Variants in GGH observed in about 807,000 individuals in gnomAD.
The protein encoded by GGH is gamma-glutamyl hydrolase, also known as gamma-Glu-X carboxypeptidase.
A neutral mutation model predicts 39.2 loss-of-function variants in GGH; 18 were observed. The observed-to-expected ratio is 0.46, with a 90% CI of 0.32 to 0.68. GGH has a LOEUF of 0.68. Ranked by LOEUF, GGH falls within the 30% of genes least tolerant of loss-of-function variation. The pLI is 0.04. For missense variants in GGH, 367 were observed against 384.1 expected, an observed-to-expected ratio of 0.96 and a Z score of 0.37; for synonymous variants, 147 against 138.8, an observed-to-expected ratio of 1.06 and a Z score of -0.42.
chr8:63,028,228 A>G (rs1391359399), intron 3 of GGH: 1 of 152,108 alleles, frequency 6.6e-6, no homozygotes, highest in Admixed American at 6.6e-5. Flanking sequence ...GTGGGAGAAT[A>G]TCTACCACAA....
intron 3 of GGH, among the ~76,000 whole-genome samples, chr8:63,028,772 A>C (rs1006241761): frequency 2.6e-5 from 4 of 152,206 alleles, no homozygotes. Flanking sequence ...CATACTGAGC[A>C]TCTGGACAGG....
At chr8:63,035,574 G>C (rs1244016194) in intron 2 of GGH, 82 bp downstream of exon 2, 1 of 1,519,986 alleles carries the variant, frequency 6.6e-7, no homozygotes, top group Non-Finnish European at 8.8e-7. Context: ...CAAAGTGCTA[G>C]AATTACAGGC....
chr8:63,028,236 C>T (rs190531726), intron 3 of GGH: 51 of 152,120 alleles, frequency 3.4e-4, no homozygotes, highest in African/African-American at 1.2e-3. Flanking sequence ...ATATCTACCA[C>T]AAATCCAAGC....
At chr8:63,025,169 C>T (rs1365721807) in intron 5 of GGH, 1 of 152,056 alleles carries the variant, frequency 6.6e-6, no homozygotes, top group Non-Finnish European at 1.5e-5. Context: ...CTTCTAAAAC[C>T]CTTGGAATTC....
chr8:63,036,356 AT>A (rs1332655207), intron 1 of GGH, among the ~76,000 whole-genome samples: 2 of 152,196 alleles, frequency 1.3e-5, no homozygotes, highest in African/African-American at 2.4e-5. Flanking sequence ...CATTCAATAT[AT>A]ACTGTTGAAT....
At chr8:63,029,695 T>G (rs1804766947) in intron 3 of GGH, among the ~76,000 whole-genome samples, 1 of 152,148 alleles carries the variant, frequency 6.6e-6, no homozygotes, top group Non-Finnish European at 1.5e-5. Context: ...GCAAATTTTC[T>G]GATCTCTGCC....
chr8:63,037,669 C>G (rs566816275), intron 1 of GGH, among the ~76,000 whole-genome samples: 1 of 152,236 alleles, frequency 6.6e-6, no homozygotes, highest in South Asian at 2.1e-4. Flanking sequence ...CGCAGGGCTA[C>G]CCCTGATTCT....
At chr8:63,018,368 T>TA (rs148625779) in intron 7 of GGH, among the ~76,000 whole-genome samples, 12,068 of 151,970 alleles carry the variant, frequency 0.079, 481 homozygotes, top group South Asian at 0.17. Flanking sequence ...CATTTTGATT[T>TA]AAAAAAAACA....
chr8:63,022,771 G>A (rs1038273507), intron 7 of GGH, among the ~76,000 whole-genome samples: 28 of 151,396 alleles, frequency 1.8e-4, no homozygotes, highest in East Asian at 5.9e-4. Flanking sequence ...CAGGTGATCC[G>A]CCCCGGCCTC....
chr8:63,038,795 CA>C lies in GGH; in HGVS notation c.-28del. On this transcript the variant is annotated 5_prime_UTR_variant, in exon 1 of 9. Transcript: ENST00000260118. The stretch of plus-strand genomic sequence containing the variant: ...GCGCTCGCCGCCTCCCGCCGCCTTT[CA>C]AAAGCTCTGCGGGCGGGCGGGGGCT... 1 of 1,410,016 alleles carries C rather than the reference CA, an allele frequency of 7.1e-7. No homozygotes were observed. Among genetic ancestry groups the C allele is most frequent in the Non-Finnish European group, 9.5e-7 (1 of 1,050,302 alleles). 87.3% of individuals were successfully genotyped at this position (1,410,016 alleles called of 1,614,324 possible).
rs13439103 is a variant in GGH at position 63,036,008 on chromosome 8, T to C, written c.110-238A>G. On this transcript the variant is annotated intron_variant, in intron 1 of 8. Coordinates refer to ENST00000260118, the MANE Select transcript of GGH (RefSeq NM_003878.3). Reference sequence around the variant, plus strand: ...GGCCAAATAAGCCCCCAAAGAAGGCTTACAATAGCACTTGCAGCCTTCACA... The same window carrying C: ...GGCCAAATAAGCCCCCAAAGAAGGCCTACAATAGCACTTGCAGCCTTCACA... Among the ~76,000 whole-genome samples, 794 of 152,232 alleles carry C rather than the reference T, an allele frequency of 5.2e-3. 13 individuals carry two copies. The highest frequency in any genetic ancestry group is 0.018 in the African/African-American group (768 of 41,540).
intron 2 of GGH, 59 bp downstream of exon 2, chr8:63,035,597 A>G (rs1804891956): frequency 6.4e-7 from 1 of 1,564,950 alleles, no homozygotes; most frequent in Non-Finnish European, 8.6e-7. Context: ...GAGGCACCGC[A>G]CCCGTACGCA....
chr8:63,038,365 A>C (rs746924594), intron 1 of GGH, among the ~76,000 whole-genome samples: 1 of 152,252 alleles, frequency 6.6e-6, no homozygotes, highest in African/African-American at 2.4e-5. Context: ...ATTTTAGTAG[A>C]AATTCCTAGC....
intron 2 of GGH, 52 bp downstream of exon 2, chr8:63,035,604 C>A: frequency 6.4e-7 from 1 of 1,569,188 alleles, no homozygotes; most frequent in Non-Finnish European, 8.6e-7. Context: ...CGCACCCGTA[C>A]GCAGCAATTT....
intron 1 of GGH, among the ~76,000 whole-genome samples, chr8:63,037,841 A>C (rs1436921359): frequency 6.6e-6 from 1 of 152,204 alleles, no homozygotes; most frequent in Non-Finnish European, 1.5e-5. Context: ...ACCCATTTGA[A>C]AACTGGGCAC....
Position 63,017,420 on chromosome 8 carries a change from G to A in GGH, c.835+73C>T, listed in dbSNP as rs1804504827. The A allele has an allele frequency of 4.2e-6, 4 of 942,702 alleles. No individual in the cohort carries two copies. In the African/African-American group the frequency reaches 5.0e-5, roughly 12 times the overall value. 58.4% of individuals were successfully genotyped at this position (942,702 alleles called of 1,614,324 possible). On this transcript the variant is annotated intron_variant, in intron 8 of 8. Coordinates refer to ENST00000260118, the MANE Select transcript of GGH (RefSeq NM_003878.3). ...AAAACATTTATAGAGCAAAAGGGTAGGCAAAAGTTCAGATAAGGGCAATTT... is the reference window on the plus strand; with the variant it reads ...AAAACATTTATAGAGCAAAAGGGTAAGCAAAAGTTCAGATAAGGGCAATTT...
intron 1 of GGH, among the ~76,000 whole-genome samples, chr8:63,038,230 T>C (rs1804948003): frequency 6.6e-6 from 1 of 152,264 alleles, no homozygotes. Context: ...TTCTTGATTT[T>C]CTATTACAAT....
At chr8:63,037,380 T>C (rs1373118684) in intron 1 of GGH, among the ~76,000 whole-genome samples, 1 of 151,974 alleles carries the variant, frequency 6.6e-6, no homozygotes, top group Non-Finnish European at 1.5e-5. Context: ...GAAAGAGAAG[T>C]ACATCAGAGT....
At chr8:63,016,089 G>C (rs761737650) in intron 8 of GGH, among the ~76,000 whole-genome samples, 2 of 152,150 alleles carry the variant, frequency 1.3e-5, no homozygotes, top group Non-Finnish European at 2.9e-5. Context: ...TGAGAAGTTT[G>C]GCATGATGAA....
Sources: allele counts gnomAD v4.1 joint callset (sites outside exome capture counted in the v4.1 genomes callset), GRCh38; gene constraint gnomAD v4.1.1; transcripts MANE v1.5; gene names NCBI Gene and HGNC (gene_info 2026-07-23, HGNC 2026-07-21).